APBB2: variants seen among roughly 807,000 people sequenced by gnomAD.
The protein encoded by APBB2 is Fe65-like 1.
In APBB2, 38 loss-of-function variants were observed where a neutral mutation model predicts 82.5. The observed-to-expected ratio is 0.46, with a 90% confidence interval of 0.36 to 0.60. The LOEUF (loss-of-function observed/expected upper bound fraction) is 0.60. APBB2 is among the 20% of genes least tolerant of loss of function. The probability of loss-of-function intolerance (pLI) is 0.00; values close to 1 mark genes in which losing one functional copy is unlikely to be tolerated. For missense variants in APBB2, 772 were observed against 972.3 expected (o/e 0.79, Z 2.74); for synonymous variants, 341 against 368.2 (o/e 0.93, Z 0.85).
chr4:41,030,556 C>T (rs1240965020), intron 5 of APBB2, among the ~76,000 whole-genome samples: 2 of 152,172 alleles, frequency 1.3e-5, no homozygotes, highest in Non-Finnish European at 2.9e-5. Flanking sequence ...TGCACCACTA[C>T]ACCTAGCTCT....
intron 12 of APBB2, among the ~76,000 whole-genome samples, chr4:40,887,389 C>T (rs1578203087): frequency 1.3e-5 from 2 of 152,160 alleles, no homozygotes; most frequent in South Asian, 4.2e-4. Context: ...TCAAGAAATC[C>T]CTGAAGAGAT....
chr4:41,142,740 G>A (rs902688587), intron 2 of APBB2, among the ~76,000 whole-genome samples: 1 of 152,190 alleles, frequency 6.6e-6, no homozygotes, highest in Non-Finnish European at 1.5e-5. Context: ...TTCTCTGAGA[G>A]AGGAGAGGAA....
At chr4:41,119,286 C>T (rs1248648325) in intron 2 of APBB2, among the ~76,000 whole-genome samples, 3 of 151,970 alleles carry the variant, frequency 2.0e-5, no homozygotes, top group East Asian at 3.9e-4. Flanking sequence ...TGAATGGGGC[C>T]GACTGGGGGA....
intron 12 of APBB2, among the ~76,000 whole-genome samples, chr4:40,851,758 T>C (rs1176882155): frequency 4.1e-5 from 5 of 121,898 alleles, no homozygotes; most frequent in South Asian, 5.0e-4. Flanking sequence ...TTTTTTTTTT[T>C]CAAAACCAAA....
At chr4:40,943,805 C>T (rs1052628497) in intron 7 of APBB2, among the ~76,000 whole-genome samples, 3 of 152,212 alleles carry the variant, frequency 2.0e-5, no homozygotes, top group Admixed American at 1.3e-4. Context: ...TCCTTGCCTA[C>T]CAATGAGGGT....
chr4:40,815,434 A>G lies in APBB2; in HGVS notation c.*658T>C, dbSNP rs985954947. On this transcript the variant is annotated 3_prime_UTR_variant, in exon 18 of 18. Coordinates refer to ENST00000508593, the MANE Select transcript of APBB2 (RefSeq NM_004307.2). The stretch of plus-strand genomic sequence containing the variant: ...ATTCCTCGAATTTAGTTTTTCATCA[A>G]TTTTGAAGTTTCATTTTTTTCCAAC... 18 of 152,502 alleles carry G rather than the reference A, an allele frequency of 1.2e-4. No homozygotes were observed. The highest frequency in any genetic ancestry group is 4.3e-4 in the African/African-American group (18 of 41,420). The allele number at this position is 152,502 out of a possible 1,614,324, so 9.4% of individuals were successfully genotyped here. A position where few individuals can be genotyped will look rare whatever the true frequency, so the allele number is the denominator to read the frequency against.
intron 17 of APBB2, among the ~76,000 whole-genome samples, chr4:40,819,510 T>C (rs1242544206): frequency 6.6e-6 from 1 of 151,898 alleles, no homozygotes; most frequent in Admixed American, 6.6e-5. Context: ...TCTACCTCCA[T>C]TTTCCACAAA....
At chr4:40,833,815 C>T (rs1752896261) in intron 12 of APBB2, among the ~76,000 whole-genome samples, 1 of 152,174 alleles carries the variant, frequency 6.6e-6, no homozygotes, top group Non-Finnish European at 1.5e-5. Flanking sequence ...TCAGCCTCTC[C>T]ATGGTGGCTG....
At chr4:40,851,738 A>ATATATATATATTTTTT (rs1192919460) in intron 12 of APBB2, among the ~76,000 whole-genome samples, 6 of 67,730 alleles carry the variant, frequency 8.9e-5, no homozygotes, top group Non-Finnish European at 6.6e-5. Flanking sequence ...ATATATATAT[A>ATATATATATATTTTTT]TTTTTTTTTT....
intron 1 of APBB2, among the ~76,000 whole-genome samples, chr4:41,172,762 T>C (rs182061606): frequency 3.9e-5 from 6 of 152,360 alleles, no homozygotes; most frequent in African/African-American, 1.4e-4. Context: ...TGACTATGCC[T>C]GAAATTTACC....
chr4:41,121,466 G>C (rs1008680421), intron 2 of APBB2, among the ~76,000 whole-genome samples: 1 of 152,270 alleles, frequency 6.6e-6, no homozygotes, highest in Non-Finnish European at 1.5e-5. Flanking sequence ...GAGCGTGCGT[G>C]TGTACACGCT....
At chr4:40,984,181 A>T (rs35160158) in intron 6 of APBB2, among the ~76,000 whole-genome samples, 20,232 of 152,136 alleles carry the variant, frequency 0.13, 1,530 homozygotes, top group Middle Eastern at 0.18. Flanking sequence ...CAGACACAGA[A>T]ACCCTTTCTC....
chr4:41,011,066 A>C (rs556414576), intron 6 of APBB2, among the ~76,000 whole-genome samples: 7 of 152,074 alleles, frequency 4.6e-5, no homozygotes, highest in South Asian at 4.1e-4. Flanking sequence ...TTAGTATTTT[A>C]TATTAGTATA....
At chr4:40,847,257 G>A (rs1757941894) in intron 12 of APBB2, among the ~76,000 whole-genome samples, 1 of 152,142 alleles carries the variant, frequency 6.6e-6, no homozygotes, top group Non-Finnish European at 1.5e-5. Flanking sequence ...GAGGCCAGGA[G>A]TTCAAGACCA....
At chr4:40,881,031 G>C in intron 12 of APBB2, 1 of 985,382 alleles carries the variant, frequency 1.0e-6, no homozygotes, top group Non-Finnish European at 1.2e-6. Context: ...TTTCCTTAAA[G>C]GTTATTCTGT....
chr4:40,866,898 T>C (rs546796770), intron 12 of APBB2, among the ~76,000 whole-genome samples: 4 of 152,038 alleles, frequency 2.6e-5, no homozygotes, highest in Non-Finnish European at 5.9e-5. Context: ...TTTGTATTTT[T>C]AGTAGAATAC....
At chr4:40,916,334 G>C (rs1481588167) in intron 10 of APBB2, among the ~76,000 whole-genome samples, 1 of 152,176 alleles carries the variant, frequency 6.6e-6, no homozygotes, top group African/African-American at 2.4e-5. Context: ...CAGACAGACA[G>C]ACAGAATGAA....
intron 2 of APBB2, among the ~76,000 whole-genome samples, chr4:41,129,745 G>T (rs1244646807): frequency 1.3e-5 from 2 of 151,904 alleles, no homozygotes; most frequent in African/African-American, 4.8e-5. Flanking sequence ...TGACAGGGAT[G>T]TATCAGTGAA....
intron 2 of APBB2, among the ~76,000 whole-genome samples, chr4:41,126,427 G>T (rs551054163): frequency 2.6e-5 from 4 of 152,028 alleles, no homozygotes; most frequent in Non-Finnish European, 5.9e-5. Context: ...GATCAGAAAT[G>T]AATGACTAAT....
Sources: gnomAD v4.1 joint callset for allele counts (sites outside exome capture counted in the v4.1 genomes callset) on GRCh38, gnomAD v4.1.1 for gene constraint, MANE v1.5 for transcripts, NCBI Gene and HGNC (gene_info 2026-07-23, HGNC 2026-07-21) for gene names.